The following SHLD1 variants were observed in gnomAD, a reference collection of about 807,000 sequenced individuals.
SHLD1 encodes RINN1-REV7-interacting novel NHEJ regulator 3.
In SHLD1, 3 loss-of-function variants were observed where a neutral mutation model predicts 5.5. That is an observed-to-expected ratio of 0.54 (90% CI 0.25 to 1.40). SHLD1 has a LOEUF of 1.40. SHLD1 is among the 40% of genes most tolerant of loss of function. SHLD1 has a pLI of 0.15. For missense variants in SHLD1, 210 were observed against 244.4 expected, an observed-to-expected ratio of 0.86 and a Z score of 0.94; for synonymous variants, 92 against 94.3, an observed-to-expected ratio of 0.98 and a Z score of 0.14.
rs984425941 is a variant in SHLD1, at chr20:5,836,582, C to T, written c.179-26442C>T. ...TCCTCTGCCTGGAATCTGCCTACCC[C>T]GGATATTCGCATTGCCCGCTCCCTC... On this transcript the variant is annotated intron_variant, in intron 2 of 2. Coordinates refer to ENST00000303142, the MANE Select transcript of SHLD1 (RefSeq NM_152504.4). Among the ~76,000 whole-genome samples the T allele has an allele frequency of 3.9e-5, 6 of 152,204 alleles. No individual in the cohort carries two copies. In the East Asian group the frequency reaches 7.7e-4, roughly 20 times the overall value.
At chr20:5,763,811 T>C (rs1984613491) in intron 1 of SHLD1, among the ~76,000 whole-genome samples, 1 of 151,982 alleles carries the variant, frequency 6.6e-6, no homozygotes. Flanking sequence ...CAAGCCATTT[T>C]ATAGACAAGG....
At chr20:5,758,134 C>A (rs1984230941) in intron 1 of SHLD1, among the ~76,000 whole-genome samples, 1 of 151,458 alleles carries the variant, frequency 6.6e-6, no homozygotes, top group South Asian at 2.1e-4. Flanking sequence ...GGGAGATGCA[C>A]CTCTGCTGGA....
chr20:5,836,583 G>A (rs908848533), intron 2 of SHLD1, among the ~76,000 whole-genome samples: 11 of 152,058 alleles, frequency 7.2e-5, no homozygotes, highest in South Asian at 6.2e-4. Context: ...TGCCTACCCC[G>A]GATATTCGCA....
chr20:5,784,742 G>A lies in SHLD1; in HGVS notation c.178+11699G>A, dbSNP rs560606075. Among the ~76,000 whole-genome samples the A allele has an allele frequency of 2.7e-4, 41 of 152,254 alleles. No individual in the cohort carries two copies. The East Asian group carries it at 4.8e-3, about 18-fold the overall frequency. ...TGGGATTACAGGCGTGAGCCACCGC[G>A]CCCGGCCCAGAATTATTTTTAAAAG... is the stretch of plus-strand genomic sequence containing the variant. On this transcript the variant is annotated intron_variant, in intron 2 of 2. Transcript: ENST00000303142.
chr20:5,791,536 C>T (rs1003034712), intron 2 of SHLD1, among the ~76,000 whole-genome samples: 6 of 126,650 alleles, frequency 4.7e-5, no homozygotes, highest in African/African-American at 1.5e-4. Flanking sequence ...TGCACTCCAG[C>T]GTGGACCACA....
intron 2 of SHLD1, among the ~76,000 whole-genome samples, chr20:5,778,118 T>TTC (rs1173065583): frequency 6.3e-5 from 9 of 142,264 alleles, no homozygotes; most frequent in East Asian, 2.0e-4. Context: ...CTTTTTCTTT[T>TTC]TTTTTTTTTT....
At chr20:5,811,846 A>G (rs2122376650) in intron 2 of SHLD1, among the ~76,000 whole-genome samples, 1 of 145,910 alleles carries the variant, frequency 6.9e-6, no homozygotes, top group South Asian at 2.2e-4. Context: ...ACAATGTGAA[A>G]CTGTGTCTCT....
chr20:5,798,464 G>A (rs2087243074), intron 2 of SHLD1, among the ~76,000 whole-genome samples: 1 of 151,552 alleles, frequency 6.6e-6, no homozygotes, highest in Non-Finnish European at 1.5e-5. Flanking sequence ...CACCATGTCT[G>A]GCTAATTTTT....
At position 5,787,456 on chromosome 20, in the gene SHLD1, C is replaced by T. The variant is rs76885944; in HGVS notation, c.178+14413C>T. 3.1e-3 allele frequency among the ~76,000 whole-genome samples: 467 copies of T among 152,298 alleles called. 2 individuals are homozygous for T. The highest frequency in any genetic ancestry group is 0.011 in the African/African-American group (450 of 41,566). ...GCTCCCTGGAGTTTTTGATAGTTGG[C>T]TTTTGGTAACATGCTTGAAGTTACA... On this transcript the variant is annotated intron_variant, in intron 2 of 2. Coordinates refer to ENST00000303142, the MANE Select transcript of SHLD1 (RefSeq NM_152504.4).
At chr20:5,757,367 C>G (rs894845690) in intron 1 of SHLD1, among the ~76,000 whole-genome samples, 1 of 151,836 alleles carries the variant, frequency 6.6e-6, no homozygotes, top group Non-Finnish European at 1.5e-5. Flanking sequence ...CTATGCCCAG[C>G]CTTTTTCTCT....
chr20:5,781,041 G>T (rs2086983086), intron 2 of SHLD1, among the ~76,000 whole-genome samples: 1 of 152,222 alleles, frequency 6.6e-6, no homozygotes. Flanking sequence ...TCCAGTATGA[G>T]TATGTAAAGA....
intron 1 of SHLD1, among the ~76,000 whole-genome samples, chr20:5,765,921 CAT>C (rs1984808996): frequency 6.6e-6 from 1 of 151,680 alleles, no homozygotes; most frequent in Non-Finnish European, 1.5e-5. Context: ...GCCCAGCTGA[CAT>C]GTCTTCTTTT....
chr20:5,814,251 C>T (rs1000714957), intron 2 of SHLD1, among the ~76,000 whole-genome samples: 1 of 151,980 alleles, frequency 6.6e-6, no homozygotes, highest in Non-Finnish European at 1.5e-5. Flanking sequence ...CCACCGCGCC[C>T]GACCCCTCAA....
chr20:5,856,480 A>C (rs2088086333), intron 2 of SHLD1, among the ~76,000 whole-genome samples: 1 of 151,920 alleles, frequency 6.6e-6, no homozygotes, highest in African/African-American at 2.4e-5. Flanking sequence ...GGGTAGAAGA[A>C]GGAATGAAGG....
intron 2 of SHLD1, among the ~76,000 whole-genome samples, chr20:5,833,291 G>A (rs758366683): frequency 4.9e-4 from 75 of 152,218 alleles, no homozygotes; most frequent in Non-Finnish European, 4.4e-4. Context: ...AGGGGTACAC[G>A]TGCAGGTTTA....
At chr20:5,796,815 C>T (rs2122323803) in intron 2 of SHLD1, among the ~76,000 whole-genome samples, 1 of 130,974 alleles carries the variant, frequency 7.6e-6, no homozygotes, top group South Asian at 2.4e-4. Flanking sequence ...GACAACAGGA[C>T]AAGACCCTGT....
At chr20:5,813,333 C>CA (rs937351798) in intron 2 of SHLD1, among the ~76,000 whole-genome samples, 6 of 150,546 alleles carry the variant, frequency 4.0e-5, no homozygotes, top group South Asian at 2.2e-4. Context: ...ACTAAAAATA[C>CA]AAAAAAAATA....
Position 5,796,598 on chromosome 20 carries a change from G to A in SHLD1, c.178+23555G>A, listed in dbSNP as rs531011325. Among the ~76,000 whole-genome samples the A allele has an allele frequency of 1.2e-3, 183 of 152,086 alleles. 2 individuals are homozygous for A. The highest frequency in any genetic ancestry group is 2.0e-3 in the Non-Finnish European group (137 of 67,982). ...TTCCAGCTCTTTGGGAGGCTAAGGCGGGTGGATCACTTGAGTCTAGGAGTT... is the reference window on the plus strand; with the variant it reads ...TTCCAGCTCTTTGGGAGGCTAAGGCAGGTGGATCACTTGAGTCTAGGAGTT... On this transcript the variant is annotated intron_variant, in intron 2 of 2. Transcript: ENST00000303142.
chr20:5,757,205 G>A (rs181967629), intron 1 of SHLD1, among the ~76,000 whole-genome samples: 147 of 151,666 alleles, frequency 9.7e-4, no homozygotes, highest in Non-Finnish European at 2.0e-3. Context: ...GAGTTACAGG[G>A]TAGCTGGGAT....
Sources: allele counts gnomAD v4.1 joint callset (sites outside exome capture counted in the v4.1 genomes callset), GRCh38; gene constraint gnomAD v4.1.1; transcripts MANE v1.5; gene names NCBI Gene and HGNC (gene_info 2026-07-23, HGNC 2026-07-21).